TRIP11: variants seen among roughly 807,000 people sequenced by gnomAD.
The protein encoded by TRIP11 is thyroid receptor-interacting protein 11.
TRIP11 carries 148 observed loss-of-function variants against 223.1 expected under a neutral mutation model. That is an observed-to-expected ratio of 0.66 (90% CI 0.58 to 0.76). The LOEUF (loss-of-function observed/expected upper bound fraction) is 0.76. TRIP11 is among the 30% of genes least tolerant of loss of function. TRIP11 has a pLI of 0.00. For synonymous variants in TRIP11, 762 were observed against 772.6 expected (o/e 0.99, Z 0.23); for missense variants, 2,043 against 2,222.0 (o/e 0.92, Z 1.62).
rs925696966 is a variant in TRIP11, at chr14:91,966,118, A to G, written c.*3555T>C. The G allele has an allele frequency of 3.4e-5, 6 of 174,038 alleles. No individual in the cohort carries two copies. The highest frequency in any genetic ancestry group is 7.5e-5 in the Non-Finnish European group (6 of 80,306). The allele number at this position is 174,038 out of a possible 1,614,324, so 10.8% of individuals were successfully genotyped here. ...TCAAAAATGCATTAACTTTAGCTCTATAAATAACACAACCTAATATTAAGG... is the reference window on the plus strand; with the variant it reads ...TCAAAAATGCATTAACTTTAGCTCTGTAAATAACACAACCTAATATTAAGG... On this transcript the variant is annotated 3_prime_UTR_variant, in exon 21 of 21. Transcript: ENST00000267622.
intron 16 of TRIP11, among the ~76,000 whole-genome samples, chr14:91,986,262 G>C (rs1456191341): frequency 1.3e-5 from 2 of 152,164 alleles, no homozygotes; most frequent in African/African-American, 4.8e-5. Flanking sequence ...GCTTAAATGA[G>C]TGTCTGAAAA....
At chr14:91,970,224 TG>T (rs1267147668) in intron 20 of TRIP11, among the ~76,000 whole-genome samples, 9 of 151,906 alleles carry the variant, frequency 5.9e-5, no homozygotes, top group African/African-American at 2.2e-4. Flanking sequence ...CTGGCCAACA[TG>T]GTGAAACGCC....
chr14:91,970,286 G>A (rs566734910), intron 20 of TRIP11, among the ~76,000 whole-genome samples: 41 of 152,130 alleles, frequency 2.7e-4, no homozygotes, highest in Non-Finnish European at 4.9e-4. Context: ...GGTGGCGGGC[G>A]CCTGTAATCC....
At chr14:92,026,925 G>C (rs188801273) in intron 2 of TRIP11, 1 of 1,328,838 alleles carries the variant, frequency 7.5e-7, no homozygotes, top group African/African-American at 1.5e-5. Flanking sequence ...AAAAAAGGCC[G>C]CCGCGACCTA....
Position 91,966,434 on chromosome 14 carries a change from T to C in TRIP11, c.*3239A>G. 1.1e-5 allele frequency: 2 copies of C among 190,452 alleles called. No individual in the cohort carries two copies. Among genetic ancestry groups the C allele is most frequent in the Non-Finnish European group, 2.2e-5 (2 of 90,816 alleles). 11.8% of individuals were successfully genotyped at this position (190,452 alleles called of 1,614,324 possible). A position where few individuals can be genotyped will look rare whatever the true frequency, so the allele number is the denominator to read the frequency against. ...TGTGGAAAACTTCATTATCTTTAAA[T>C]ATCAGGTCCAAATGCTTTTAAGTTT... is the stretch of plus-strand genomic sequence containing the variant. On this transcript the variant is annotated 3_prime_UTR_variant, in exon 21 of 21. Transcript: ENST00000267622.
Position 92,005,541 on chromosome 14 carries a change from TTGTTTA to T in TRIP11, c.2429_2434del (p.Ile810_Asn811del), listed in dbSNP as rs1374858112. On this transcript the variant is annotated inframe_deletion, in exon 11 of 21. Transcript: ENST00000267622. ...AAGCTTTTCAATAAAAATTTCTTTC[TTGTTTA>T]TAAGTTGTGTCAACTGCTTCTGCTC... The T allele has an allele frequency of 6.2e-7, 1 of 1,611,138 alleles. No homozygotes were observed.
chr14:92,025,508 T>TCCCCCC (rs577391295), intron 2 of TRIP11, 88 bp from the exon 3 acceptor site: 2 of 823,266 alleles, frequency 2.4e-6, no homozygotes, highest in African/African-American at 3.7e-5. Flanking sequence ...ACGTACTGCT[T>TCCCCCC]TCCCCCCCCA....
At chr14:92,030,103 A>C (rs1463078889) in intron 2 of TRIP11, among the ~76,000 whole-genome samples, 1 of 149,544 alleles carries the variant, frequency 6.7e-6, no homozygotes, top group Non-Finnish European at 1.5e-5. Context: ...AGGCTGAGGC[A>C]GGAGAATGGC....
intron 16 of TRIP11, among the ~76,000 whole-genome samples, chr14:91,981,286 G>T (rs113941285): frequency 0.03 from 4,472 of 151,338 alleles, 208 homozygotes; most frequent in African/African-American, 0.093. Context: ...AAAGTGCTGG[G>T]ATTACGAGTG....
intron 14 of TRIP11, among the ~76,000 whole-genome samples, chr14:91,995,027 T>G (rs1200043225): frequency 6.6e-5 from 10 of 151,350 alleles, no homozygotes; most frequent in African/African-American, 2.4e-4. Context: ...TTCTTTGTAT[T>G]CTCCTCTTCA....
chr14:92,037,069 G>A lies in TRIP11; in HGVS notation c.139+2478C>T, dbSNP rs2140153338. 6.6e-6 allele frequency among the ~76,000 whole-genome samples: 1 copy of A among 152,294 alleles called. No homozygotes were observed. The highest frequency in any genetic ancestry group is 2.1e-4 in the South Asian group (1 of 4,824). On this transcript the variant is annotated intron_variant, in intron 1 of 20. Transcript: ENST00000267622. The surrounding 1 kb of genome is among the most constrained non-coding windows in gnomAD (Gnocchi z 4.2). Reference sequence around the variant, plus strand: ...AATTTACAAAATCAATAAATTAGGTGTTAAGCAAGTCCGATTGAAATACAA... The same window carrying A: ...AATTTACAAAATCAATAAATTAGGTATTAAGCAAGTCCGATTGAAATACAA...
chr14:91,988,508 G>A lies in TRIP11; in HGVS notation c.5161-125C>T, dbSNP rs572308409. On this transcript the variant is annotated intron_variant, in intron 15 of 20. Coordinates refer to ENST00000267622, the MANE Select transcript of TRIP11 (RefSeq NM_004239.4). Reference sequence around the variant, plus strand: ...TGAAGCTGCACCTCTATGACCTTGGGCAAATGTATCCAACCAATAAGTATC... The same window carrying A: ...TGAAGCTGCACCTCTATGACCTTGGACAAATGTATCCAACCAATAAGTATC... 25 of 774,244 alleles carry A rather than the reference G, an allele frequency of 3.2e-5. No individual in the cohort carries two copies. In the Middle Eastern group the frequency reaches 7.6e-4, roughly 23 times the overall value. The allele number at this position is 774,244 out of a possible 1,614,324, so 48.0% of individuals were successfully genotyped here.
intron 4 of TRIP11, among the ~76,000 whole-genome samples, chr14:92,019,986 C>T (rs901657166): frequency 2.0e-5 from 3 of 152,038 alleles, no homozygotes; most frequent in Non-Finnish European, 2.9e-5. Context: ...AAAATCTGGC[C>T]GGATGAAGTG....
At chr14:91,991,186 G>A (rs924789772) in intron 15 of TRIP11, among the ~76,000 whole-genome samples, 40 of 152,206 alleles carry the variant, frequency 2.6e-4, no homozygotes, top group African/African-American at 8.9e-4. Context: ...TTGTGGGAGT[G>A]GGTTCATAAT....
chr14:92,005,944 C>A lies in TRIP11; in HGVS notation c.2032G>T (p.Glu678Ter), dbSNP rs762458360. 1 of 1,613,350 alleles carries A rather than the reference C, an allele frequency of 6.2e-7. No homozygotes were observed. Among genetic ancestry groups the A allele is most frequent in the Admixed American group, 1.7e-5 (1 of 59,944 alleles). The change falls in exon 11 of 21, where the codon GAA becomes TAA. Residue 678 changes from glutamate to a stop codon, truncating the protein, a stop_gained. Transcript: ENST00000267622. LOFTEE classifies it high-confidence loss of function. ...CATGCTAAAACTAACTTTTCATTTT[C>A]CATTTTGACATCAAAAGCAACTTTC... ...LKKVAFDVKM[E>*]NEKLVLACED...
intron 7 of TRIP11, 96 bp from the exon 8 acceptor site, chr14:92,011,891 T>C (rs1003010169): frequency 7.3e-6 from 8 of 1,098,364 alleles, no homozygotes; most frequent in African/African-American, 6.2e-5. Context: ...TTAAAGTGTA[T>C]ATAAGCACCA....
chr14:91,986,984 C>A (rs564953146), intron 16 of TRIP11, among the ~76,000 whole-genome samples: 1 of 152,206 alleles, frequency 6.6e-6, no homozygotes, highest in African/African-American at 2.4e-5. Flanking sequence ...ATGAAAAGAC[C>A]ACGAATTATG....
At chr14:92,011,953 G>A (rs2056978966) in intron 7 of TRIP11, among the ~76,000 whole-genome samples, 158 bp from the exon 8 acceptor site, 1 of 152,100 alleles carries the variant, frequency 6.6e-6, no homozygotes, top group Non-Finnish European at 1.5e-5. Context: ...TTCCTGTTTT[G>A]TCATATCAAA....
chr14:91,968,512 T>C lies in TRIP11; in HGVS notation c.*1161A>G, dbSNP rs1011642446. On this transcript the variant is annotated 3_prime_UTR_variant, in exon 21 of 21. Coordinates refer to ENST00000267622, the MANE Select transcript of TRIP11 (RefSeq NM_004239.4). ...CCGCAGACGGAGGCAGGAAGTGGCATGTTCAGTGATTTTGCTAATTATACT... is the reference window on the plus strand; with the variant it reads ...CCGCAGACGGAGGCAGGAAGTGGCACGTTCAGTGATTTTGCTAATTATACT... 7.4e-5 allele frequency: 16 copies of C among 217,056 alleles called. No individual in the cohort carries two copies. The highest frequency in any genetic ancestry group is 1.1e-4 in the Non-Finnish European group (12 of 107,598). 13.4% of individuals were successfully genotyped at this position (217,056 alleles called of 1,614,324 possible).
Sources: gnomAD v4.1 joint callset for allele counts (sites outside exome capture counted in the v4.1 genomes callset) on GRCh38, gnomAD v4.1.1 for gene constraint, Gnocchi (gnomAD v3.1) non-coding constraint, MANE v1.5 for transcripts, NCBI Gene and HGNC (gene_info 2026-07-23, HGNC 2026-07-21) for gene names.